Variants in STAM observed in about 807,000 individuals in gnomAD.
The protein encoded by STAM is signal transducing adaptor molecule.
In STAM, 16 loss-of-function variants were observed where a neutral mutation model predicts 63.4. That is an observed-to-expected ratio of 0.25 (90% CI 0.17 to 0.38). The LOEUF (loss-of-function observed/expected upper bound fraction) is 0.38. STAM is among the 10% of genes least tolerant of loss of function. STAM has a pLI of 1.00. For synonymous variants in STAM, 238 were observed against 223.9 expected (o/e 1.06, Z -0.56); for missense variants, 636 against 657.1 (o/e 0.97, Z 0.35).
At chr10:17,650,872 T>C (rs1431306302) in intron 1 of STAM, among the ~76,000 whole-genome samples, 3 of 152,094 alleles carry the variant, frequency 2.0e-5, no homozygotes, top group Non-Finnish European at 2.9e-5. Flanking sequence ...GAGACCATCC[T>C]GGCTAACATG....
rs1554829769 is a variant in STAM, at chr10:17,708,960, A to G, written c.1385+9A>G. The G allele has an allele frequency of 6.2e-7, 1 of 1,612,442 alleles. No individual in the cohort carries two copies. Among genetic ancestry groups the G allele is most frequent in the East Asian group, 2.2e-5 (1 of 44,858 alleles). On this transcript the variant is annotated intron_variant, in intron 13 of 13. Coordinates refer to ENST00000377524, the MANE Select transcript of STAM (RefSeq NM_003473.4). The stretch of plus-strand genomic sequence containing the variant: ...CAGGCCGCTTACCCAAAGTAATTTT[A>G]CTGTTGATTCTTGTTTGGAGTTAGT...
At chr10:17,698,873 A>T (rs1291342128) in intron 8 of STAM, among the ~76,000 whole-genome samples, 1 of 152,160 alleles carries the variant, frequency 6.6e-6, no homozygotes, top group African/African-American at 2.4e-5. Context: ...CCAGCTTTCT[A>T]CTTGTAATAG....
intron 1 of STAM, among the ~76,000 whole-genome samples, chr10:17,651,515 A>T (rs919843834): frequency 6.6e-6 from 1 of 152,200 alleles, no homozygotes; most frequent in Non-Finnish European, 1.5e-5. Flanking sequence ...TATCCACTGG[A>T]TTAAGAACTT....
At chr10:17,672,271 G>T (rs1452475829) in intron 2 of STAM, among the ~76,000 whole-genome samples, 1 of 152,140 alleles carries the variant, frequency 6.6e-6, no homozygotes, top group Non-Finnish European at 1.5e-5. Context: ...ATAATATAGT[G>T]ACATTGTTGA....
chr10:17,659,485 T>TTA (rs1437638833), intron 1 of STAM, among the ~76,000 whole-genome samples: 1 of 147,394 alleles, frequency 6.8e-6, no homozygotes, highest in East Asian at 1.9e-4. Context: ...TTTTTTTTTT[T>TTA]AAAGAGATAG....
intron 2 of STAM, among the ~76,000 whole-genome samples, chr10:17,681,506 A>G (rs532874627): frequency 7.2e-4 from 109 of 152,126 alleles, no homozygotes; most frequent in Non-Finnish European, 1.4e-3. Flanking sequence ...ATTGTTTATC[A>G]TGTGTAATAT....
intron 12 of STAM, among the ~76,000 whole-genome samples, chr10:17,707,879 G>T (rs934407970): frequency 3.4e-4 from 47 of 139,462 alleles, no homozygotes; most frequent in Non-Finnish European, 6.0e-4. Context: ...CCTGTTGCCT[G>T]TTTTTTTTTT....
intron 9 of STAM, among the ~76,000 whole-genome samples, 157 bp downstream of exon 9, chr10:17,700,436 T>G (rs1353254444): frequency 6.6e-6 from 1 of 152,220 alleles, no homozygotes; most frequent in Non-Finnish European, 1.5e-5. Context: ...GACTGTTTTT[T>G]GAAACTTCCT....
Position 17,688,124 on chromosome 10 carries a change from T to C in STAM, c.395T>C (p.Ile132Thr). 1 of 1,598,598 alleles carries C rather than the reference T, an allele frequency of 6.3e-7. No individual in the cohort carries two copies. Among genetic ancestry groups the C allele is most frequent in the Non-Finnish European group, 8.5e-7 (1 of 1,172,884 alleles). The change falls in exon 5 of 14, where the codon ATT becomes ACT. Residue 132 changes from isoleucine (I) to threonine (T), a missense_variant. Transcript: ENST00000377524. Reference sequence around the variant, plus strand: ...CAGCTTAGTCTAATATCAGCAATGATTAAGAACCTTAAGGAACAAGGAGTT... The same window carrying C: ...CAGCTTAGTCTAATATCAGCAATGACTAAGAACCTTAAGGAACAAGGAGTT... Reference protein sequence around the residue: ...DPQLSLISAMIKNLKEQGVTF... With the variant: ...DPQLSLISAMTKNLKEQGVTF...
Position 17,715,057 on chromosome 10 carries a change from G to A in STAM, c.*277G>A. On this transcript the variant is annotated 3_prime_UTR_variant, in exon 14 of 14. Transcript: ENST00000377524. Reference sequence around the variant, plus strand: ...ACAAGGCTATTTGTCTCGTAAACCTGGTCTGCAGAAAGTCAAACTTACAAA... The same window carrying A: ...ACAAGGCTATTTGTCTCGTAAACCTAGTCTGCAGAAAGTCAAACTTACAAA... 2.4e-6 allele frequency: 1 copy of A among 411,068 alleles called. No homozygotes were observed. The allele number at this position is 411,068 out of a possible 1,614,324, so 25.5% of individuals were successfully genotyped here. A position where few individuals can be genotyped will look rare whatever the true frequency, so the allele number is the denominator to read the frequency against.
chr10:17,688,018 A>G lies in STAM; in HGVS notation c.298-9A>G, dbSNP rs781983555. On this transcript the variant is annotated splice_polypyrimidine_tract_variant and intron_variant, in intron 4 of 13. Coordinates refer to ENST00000377524, the MANE Select transcript of STAM (RefSeq NM_003473.4). The stretch of plus-strand genomic sequence containing the variant: ...TTGGTGCTCTTTTATTTCTTTTTCT[A>G]TTTTACAGGGTCATCCTAAAGTATG... The G allele has an allele frequency of 3.9e-6, 6 of 1,554,826 alleles. No individual in the cohort carries two copies. Among genetic ancestry groups the G allele is most frequent in the African/African-American group, 2.8e-5 (2 of 71,844 alleles).
At chr10:17,685,981 G>C (rs782250812) in intron 4 of STAM, among the ~76,000 whole-genome samples, 26 of 152,138 alleles carry the variant, frequency 1.7e-4, no homozygotes, top group Non-Finnish European at 3.4e-4. Flanking sequence ...AAGGGAAAAT[G>C]CCTCATGTTT....
intron 1 of STAM, among the ~76,000 whole-genome samples, chr10:17,651,703 T>G (rs1833748477): frequency 6.6e-6 from 1 of 152,250 alleles, no homozygotes; most frequent in Non-Finnish European, 1.5e-5. Context: ...GCAGATACAG[T>G]TTCCAGGAGG....
intron 1 of STAM, among the ~76,000 whole-genome samples, chr10:17,655,479 T>A (rs1833900927): frequency 6.6e-6 from 1 of 152,202 alleles, no homozygotes; most frequent in African/African-American, 2.4e-5. Context: ...ATGCTTATTT[T>A]AGTTGTCCGG....
At chr10:17,688,256 C>T in intron 5 of STAM, 83 bp downstream of exon 5, 1 of 1,328,062 alleles carries the variant, frequency 7.5e-7, no homozygotes, top group South Asian at 2.3e-5. Flanking sequence ...TTCTTCATTC[C>T]CAGGTAATTT....
At chr10:17,702,468 A>G (rs1487023706) in intron 9 of STAM, among the ~76,000 whole-genome samples, 1 of 152,206 alleles carries the variant, frequency 6.6e-6, no homozygotes, top group African/African-American at 2.4e-5. Flanking sequence ...ATTTAAAGGA[A>G]TTTTTGACTA....
chr10:17,696,933 T>C (rs61842343), intron 8 of STAM, 64 bp downstream of exon 8: 35,646 of 1,389,746 alleles, frequency 0.026, 553 homozygotes, highest in Non-Finnish European at 0.029. Flanking sequence ...GGAAGTTGAG[T>C]AAACTGAACT....
In STAM at chr10:17,699,690, T is replaced by G. The variant is rs1411764322; in HGVS notation, c.824-501T>G. On this transcript the variant is annotated intron_variant, in intron 8 of 13. Coordinates refer to ENST00000377524, the MANE Select transcript of STAM (RefSeq NM_003473.4). ...GCATGGACGGCGCTCTCTAAACGCC[T>G]ACGTGGCACGCCAGATAATACATAG... 4.6e-5 allele frequency among the ~76,000 whole-genome samples: 7 copies of G among 152,366 alleles called. No homozygotes were observed. The South Asian group carries it at 1.4e-3, about 32-fold the overall frequency.
At position 17,684,697 on chromosome 10, in the gene STAM, A is replaced by G. The variant is rs562011901; in HGVS notation, c.148A>G (p.Ile50Val). 9 of 1,613,922 alleles carry G rather than the reference A, an allele frequency of 5.6e-6. No homozygotes were observed. The highest frequency in any genetic ancestry group is 2.7e-5 in the African/African-American group (2 of 75,026). The change falls in exon 3 of 14, where the codon ATT becomes GTT. Residue 50 changes from isoleucine (I) to valine (V), a missense_variant. Transcript: ENST00000377524. Reference sequence around the variant, plus strand: ...TAGACCTAAGGATTGTCTTCGGTCTATTATGAGAAGAGTGAACCACAAAGA... The same window carrying G: ...TAGACCTAAGGATTGTCTTCGGTCTGTTATGAGAAGAGTGAACCACAAAGA... ...RTGPKDCLRSIMRRVNHKDPH... is the reference protein window; with the variant it reads ...RTGPKDCLRSVMRRVNHKDPH...
Sources: allele counts gnomAD v4.1 joint callset (sites outside exome capture counted in the v4.1 genomes callset), GRCh38; gene constraint gnomAD v4.1.1; transcripts MANE v1.5; gene names NCBI Gene and HGNC (gene_info 2026-07-23, HGNC 2026-07-21).